The following TM7SF3 variants were observed in gnomAD, a reference collection of about 807,000 sequenced individuals.
The protein encoded by TM7SF3 is seven span transmembrane protein.
Under a neutral mutation model 65.5 loss-of-function variants are expected in TM7SF3, and 60 were observed. The ratio of observed to expected loss-of-function variants is 0.92; its 90% CI spans 0.74 to 1.14. TM7SF3 has a LOEUF of 1.14. Among genes scored for constraint, TM7SF3 ranks in the 50% most tolerant of loss-of-function variants. TM7SF3 has a pLI of 0.00. For synonymous variants in TM7SF3, 264 were observed against 259.6 expected (o/e 1.02, Z -0.16); for missense variants, 623 against 684.8 (o/e 0.91, Z 1.01).
At chr12:26,983,715 G>A (rs1227961213) in intron 6 of TM7SF3, 1 of 330,576 alleles carries the variant, frequency 3.0e-6, no homozygotes, top group Non-Finnish European at 6.2e-6. Context: ...TTAAAAACAT[G>A]TATTACACTT....
At chr12:26,986,121 C>A (rs952332439) in intron 6 of TM7SF3, among the ~76,000 whole-genome samples, 2 of 152,010 alleles carry the variant, frequency 1.3e-5, no homozygotes, top group Non-Finnish European at 2.9e-5. Context: ...AGCCACCGCA[C>A]CCGGCCTGCT....
At chr12:26,996,618 T>G in intron 4 of TM7SF3, 124 bp downstream of exon 4, 1 of 952,654 alleles carries the variant, frequency 1.0e-6, no homozygotes, top group Non-Finnish European at 1.5e-6. Flanking sequence ...TTACATCAAT[T>G]CCCCCCAAAA....
chr12:27,008,771 C>T (rs1592319135), intron 1 of TM7SF3, among the ~76,000 whole-genome samples: 2 of 152,152 alleles, frequency 1.3e-5, no homozygotes, highest in South Asian at 2.1e-4. Context: ...AAATACCACC[C>T]TGTAGTACCC....
At chr12:26,996,702 T>C (rs1940612392) in intron 4 of TM7SF3, 40 bp downstream of exon 4, 2 of 1,585,228 alleles carry the variant, frequency 1.3e-6, no homozygotes, top group Non-Finnish European at 1.7e-6. Flanking sequence ...TCGTCATGTA[T>C]ATTCTAAAAG....
In TM7SF3 at chr12:26,973,765, C is replaced by G. The variant is rs1939451782; in HGVS notation, c.*200G>C. On this transcript the variant is annotated 3_prime_UTR_variant, in exon 12 of 12. Coordinates refer to ENST00000343028, the MANE Select transcript of TM7SF3 (RefSeq NM_016551.3). The stretch of plus-strand genomic sequence containing the variant: ...AAGAAAAAGCCTCCCTACCACCAAC[C>G]TTTTGGTCATCTTTCTCATTCTCTT... 2 of 578,112 alleles carry G rather than the reference C, an allele frequency of 3.5e-6. No homozygotes were observed. The highest frequency in any genetic ancestry group is 4.6e-5 in the South Asian group (1 of 21,710). The allele number at this position is 578,112 out of a possible 1,614,324, so 35.8% of individuals were successfully genotyped here.
chr12:26,999,426 AC>A (rs1940739010), intron 3 of TM7SF3, 99 bp downstream of exon 3: 1 of 1,287,638 alleles, frequency 7.8e-7, no homozygotes, highest in Non-Finnish European at 1.1e-6. Context: ...TATAAATTAT[AC>A]TTGCAACAAA....
rs1456849726 is a variant in TM7SF3 at position 26,979,849 on chromosome 12, C to G, written c.1124G>C (p.Cys375Ser). 1 of 1,614,126 alleles carries G rather than the reference C, an allele frequency of 6.2e-7. No individual in the cohort carries two copies. Among genetic ancestry groups the G allele is most frequent in the African/African-American group, 1.3e-5 (1 of 75,048 alleles). Residue 375 changes from cysteine to serine, a missense_variant, in exon 9 of 12, where the codon TGC becomes TCC. Coordinates refer to ENST00000343028, the MANE Select transcript of TM7SF3 (RefSeq NM_016551.3). ...VWWRFGILSI[C>S]MLCVGLVLGF... ...CAGCACTAGTCCAACACAGAGCATG[C>G]AGATCGAGAGGATTCCAAATCGCCA...
At chr12:26,974,967 ACAAT>A (rs1455307667) in intron 11 of TM7SF3, among the ~76,000 whole-genome samples, 1 of 152,214 alleles carries the variant, frequency 6.6e-6, no homozygotes, top group Non-Finnish European at 1.5e-5. Context: ...AACATATCTT[ACAAT>A]CTGAACAATT....
intron 4 of TM7SF3, 44 bp downstream of exon 4, chr12:26,996,698 T>G: frequency 6.3e-7 from 1 of 1,582,228 alleles, no homozygotes; most frequent in South Asian, 1.2e-5. Flanking sequence ...ACTGTCGTCA[T>G]GTATATTCTA....
At chr12:27,009,828 AAGG>A (rs1406312151) in intron 1 of TM7SF3, among the ~76,000 whole-genome samples, 5 of 150,868 alleles carry the variant, frequency 3.3e-5, no homozygotes, top group Admixed American at 2.7e-4. Context: ...TAAACAAGCA[AAGG>A]ATAAATATGT....
chr12:26,993,515 G>A (rs538534155), intron 5 of TM7SF3, among the ~76,000 whole-genome samples: 3 of 152,106 alleles, frequency 2.0e-5, no homozygotes, highest in South Asian at 2.1e-4. Context: ...ACATAAGCAC[G>A]TAATACAGGC....
At position 27,014,383 on chromosome 12, in the gene TM7SF3, C is replaced by G. The variant is rs1196949384; in HGVS notation, c.-215G>C. On this transcript the variant is annotated 5_prime_UTR_variant, in exon 1 of 12. Transcript: ENST00000343028. ...AGCGAGAGGTTTCCTCTTCCGGCACCTGACCCCCAACGCGCGTTCCCGCGC... is the reference window on the plus strand; with the variant it reads ...AGCGAGAGGTTTCCTCTTCCGGCACGTGACCCCCAACGCGCGTTCCCGCGC... The G allele has an allele frequency of 3.0e-6, 1 of 334,170 alleles. No homozygotes were observed. The highest frequency in any genetic ancestry group is 2.2e-5 in the African/African-American group (1 of 46,114). 20.7% of individuals were successfully genotyped at this position (334,170 alleles called of 1,614,324 possible).
At chr12:27,011,905 T>C (rs1368114951) in intron 1 of TM7SF3, among the ~76,000 whole-genome samples, 3 of 152,218 alleles carry the variant, frequency 2.0e-5, no homozygotes, top group Non-Finnish European at 4.4e-5. Context: ...TTAACTTTTG[T>C]ATAAAAATTT....
chr12:26,978,134 A>C, intron 9 of TM7SF3: 1 of 431,652 alleles, frequency 2.3e-6, no homozygotes, highest in Non-Finnish European at 4.6e-6. Context: ...ACTAGCATTG[A>C]GGAGATGATC....
At chr12:26,992,306 C>T (rs1033806147) in intron 5 of TM7SF3, among the ~76,000 whole-genome samples, 2 of 151,968 alleles carry the variant, frequency 1.3e-5, no homozygotes, top group African/African-American at 2.4e-5. Context: ...GACGGAATGT[C>T]GCTCTGTTGC....
rs1053570356 is a variant in TM7SF3 at position 26,973,833 on chromosome 12, T to G, written c.*132A>C. On this transcript the variant is annotated 3_prime_UTR_variant, in exon 12 of 12. Transcript: ENST00000343028. ...CTAGTACACCCTTACCATATATCAA[T>G]AAGGGCACCATAATATTATGCAAAG... is the stretch of plus-strand genomic sequence containing the variant. 10 of 1,170,728 alleles carry G rather than the reference T, an allele frequency of 8.5e-6. No individual in the cohort carries two copies. The African/African-American group carries it at 1.4e-4, about 16-fold the overall frequency. 72.5% of individuals were successfully genotyped at this position (1,170,728 alleles called of 1,614,324 possible).
At chr12:26,977,922 ACT>A (rs1278510405) in intron 9 of TM7SF3, 3 of 309,262 alleles carry the variant, frequency 9.7e-6, no homozygotes, top group East Asian at 2.0e-4. Flanking sequence ...CAACAGTGAG[ACT>A]CTGTCTCTAC....
chr12:27,013,284 T>G (rs1941319969), intron 1 of TM7SF3, among the ~76,000 whole-genome samples: 1 of 152,344 alleles, frequency 6.6e-6, no homozygotes, highest in Admixed American at 6.5e-5. Context: ...CTGTTGGATA[T>G]GAGACAACAG....
intron 2 of TM7SF3, among the ~76,000 whole-genome samples, chr12:27,002,798 G>A (rs954154100): frequency 5.9e-5 from 9 of 152,286 alleles, no homozygotes; most frequent in Non-Finnish European, 1.2e-4. Context: ...TGTTGTTTGC[G>A]TGACAGAGTC....
Sources: gnomAD v4.1 joint callset for allele counts (sites outside exome capture counted in the v4.1 genomes callset) on GRCh38, gnomAD v4.1.1 for gene constraint, MANE v1.5 for transcripts, NCBI Gene and HGNC (gene_info 2026-07-23, HGNC 2026-07-21) for gene names.